The following LARGE1 variants were observed in gnomAD, a reference collection of about 807,000 sequenced individuals.
LARGE1 encodes the protein LARGE xylosyl- and glucuronyltransferase 1.
Under a neutral mutation model 87.6 loss-of-function variants are expected in LARGE1, and 43 were observed. That is an observed-to-expected ratio of 0.49 (90% CI 0.38 to 0.63). LARGE1 has a LOEUF of 0.63. Among genes scored for constraint, LARGE1 ranks in the 30% least tolerant of loss-of-function variants. The pLI is 0.00. For missense variants in LARGE1, 802 were observed against 1,000.2 expected, an observed-to-expected ratio of 0.80 and a Z score of 2.67; for synonymous variants, 434 against 394.6, an observed-to-expected ratio of 1.10 and a Z score of -1.18.
intron 14 of LARGE1, among the ~76,000 whole-genome samples, chr22:33,274,957 T>C (rs7290354): frequency 0.033 from 4,954 of 152,224 alleles, 258 homozygotes; most frequent in African/African-American, 0.11. Flanking sequence ...TCTTGATAAA[T>C]AGATGTGAGC....
chr22:33,445,710 C>A (rs759965893), intron 6 of LARGE1, among the ~76,000 whole-genome samples: 1 of 147,348 alleles, frequency 6.8e-6, no homozygotes, highest in African/African-American at 2.5e-5. Context: ...AGCACAATGG[C>A]GGGATCTCGG....
At chr22:33,358,191 C>T (rs576061914) in intron 9 of LARGE1, among the ~76,000 whole-genome samples, 2 of 152,130 alleles carry the variant, frequency 1.3e-5, no homozygotes, top group South Asian at 2.1e-4. Context: ...AGCCCTTGGA[C>T]GCAGGTCATA....
At chr22:33,656,584 TC>T (rs2080967055) in intron 2 of LARGE1, among the ~76,000 whole-genome samples, 1 of 152,120 alleles carries the variant, frequency 6.6e-6, no homozygotes. Flanking sequence ...GTGGATAGAA[TC>T]CCCTGCGTGT....
intron 1 of LARGE1, among the ~76,000 whole-genome samples, chr22:33,799,361 C>T (rs1276643324): frequency 6.6e-6 from 1 of 152,140 alleles, no homozygotes; most frequent in Non-Finnish European, 1.5e-5. Flanking sequence ...AGCCATAATC[C>T]ATGTGGTGGG....
At chr22:33,424,603 A>C (rs2066808402) in intron 7 of LARGE1, among the ~76,000 whole-genome samples, 1 of 152,006 alleles carries the variant, frequency 6.6e-6, no homozygotes, top group Non-Finnish European at 1.5e-5. Context: ...AGGTGGGAGG[A>C]TTGCTTGAGC....
In LARGE1 at chr22:33,512,059, T is replaced by C. The variant is rs182677500; in HGVS notation, c.787+52789A>G. Among the ~76,000 whole-genome samples, 11 of 152,320 alleles carry C rather than the reference T, an allele frequency of 7.2e-5. No individual in the cohort carries two copies. In the East Asian group the frequency reaches 1.5e-3, roughly 21 times the overall value. ...AAAGTCCTGTAAAAAATTAATGTCA[T>C]AGAACTTCATTATGAGCTAAAATAT... On this transcript the variant is annotated intron_variant, in intron 6 of 14. Coordinates refer to ENST00000397394, the MANE Select transcript of LARGE1 (RefSeq NM_133642.5).
chr22:33,560,310 C>G (rs1332166572), intron 6 of LARGE1, among the ~76,000 whole-genome samples: 1 of 152,168 alleles, frequency 6.6e-6, no homozygotes, highest in Non-Finnish European at 1.5e-5. Context: ...AGGAACAACA[C>G]AGAGTCTATT....
chr22:33,499,414 G>C (rs2148352612), intron 6 of LARGE1, among the ~76,000 whole-genome samples: 1 of 152,278 alleles, frequency 6.6e-6, no homozygotes, highest in South Asian at 2.1e-4. Context: ...TTAAGGAATG[G>C]GCATGTGACC....
At chr22:33,733,509 A>G (rs2083542463) in intron 2 of LARGE1, 1 of 152,184 alleles carries the variant, frequency 6.6e-6, no homozygotes, top group African/African-American at 2.4e-5. Context: ...TGCCAAAGAG[A>G]CTCAAATAGA....
chr22:33,700,766 C>T (rs1414884455), intron 2 of LARGE1, among the ~76,000 whole-genome samples: 1 of 152,274 alleles, frequency 6.6e-6, no homozygotes, highest in Non-Finnish European at 1.5e-5. Context: ...GAGGGAAAAA[C>T]AGAAACAAAA....
chr22:33,453,206 C>T (rs751550784), intron 6 of LARGE1, among the ~76,000 whole-genome samples: 1 of 151,972 alleles, frequency 6.6e-6, no homozygotes, highest in Non-Finnish European at 1.5e-5. Context: ...TATGAAGTCA[C>T]GAGTTCGAGA....
intron 9 of LARGE1, among the ~76,000 whole-genome samples, chr22:33,375,088 C>A (rs1482406739): frequency 6.6e-6 from 1 of 152,094 alleles, no homozygotes; most frequent in Admixed American, 6.6e-5. Flanking sequence ...ACTAATCAAG[C>A]TCAAGCAGAA....
chr22:33,327,227 G>C (rs925814095), intron 10 of LARGE1, among the ~76,000 whole-genome samples: 1 of 152,170 alleles, frequency 6.6e-6, no homozygotes, highest in Non-Finnish European at 1.5e-5. Flanking sequence ...TCTAGTTGAG[G>C]TGATGCTGTT....
At chr22:33,559,212 G>A (rs1182143912) in intron 6 of LARGE1, among the ~76,000 whole-genome samples, 1 of 152,126 alleles carries the variant, frequency 6.6e-6, no homozygotes, top group African/African-American at 2.4e-5. Flanking sequence ...ACGCAGTCTT[G>A]CTCTTGTTGC....
chr22:33,270,484 G>A (rs191470208), downstream of LARGE1, among the ~76,000 whole-genome samples: 1 of 152,298 alleles, frequency 6.6e-6, no homozygotes, highest in Non-Finnish European at 1.5e-5. Flanking sequence ...TCCATTAGCA[G>A]CCTGTGTGGT....
chr22:33,669,176 C>T (rs899193023), intron 2 of LARGE1, among the ~76,000 whole-genome samples: 2 of 152,236 alleles, frequency 1.3e-5, no homozygotes, highest in Non-Finnish European at 2.9e-5. Flanking sequence ...TTATATCCCT[C>T]AGCTTCAATT....
At chr22:33,345,434 T>C (rs767024469) in intron 9 of LARGE1, among the ~76,000 whole-genome samples, 9 of 152,166 alleles carry the variant, frequency 5.9e-5, no homozygotes, top group Admixed American at 1.3e-4. Context: ...ACCCCTGGGA[T>C]ACTAAGGCTG....
chr22:33,116,530 A>ATT, the LARGE1 span, among the ~76,000 whole-genome samples: 11 of 137,412 alleles, frequency 8.0e-5, no homozygotes, highest in African/African-American at 2.4e-4. Flanking sequence ...AATTTTTTGT[A>ATT]TTTTTTTTTT....
intron 6 of LARGE1, among the ~76,000 whole-genome samples, chr22:33,440,531 C>T (rs1342848032): frequency 1.3e-5 from 2 of 152,150 alleles, no homozygotes; most frequent in Admixed American, 6.5e-5. Context: ...CCTAATAGTG[C>T]TCTCCCAACC....
Sources: allele counts gnomAD v4.1 joint callset (sites outside exome capture counted in the v4.1 genomes callset), GRCh38; gene constraint gnomAD v4.1.1; transcripts MANE v1.5; gene names NCBI Gene and HGNC (gene_info 2026-07-23, HGNC 2026-07-21).